Variants in BRINP1 observed in about 807,000 individuals in gnomAD.
BRINP1 encodes the protein BMP/retinoic acid inducible neural specific 1.
A neutral mutation model predicts 72.9 loss-of-function variants in BRINP1; 17 were observed. That is an observed-to-expected ratio of 0.23 (90% CI 0.16 to 0.35). BRINP1 has a LOEUF of 0.35. Ranked by LOEUF, BRINP1 falls within the 10% of genes least tolerant of loss-of-function variation. The pLI is 1.00. For missense variants in BRINP1, 850 were observed against 1,001.6 expected, an observed-to-expected ratio of 0.85 and a Z score of 2.04; for synonymous variants, 418 against 378.5, an observed-to-expected ratio of 1.10 and a Z score of -1.21.
intron 5 of BRINP1, among the ~76,000 whole-genome samples, chr9:119,237,731 G>A (rs1830206557): frequency 6.6e-6 from 1 of 151,922 alleles, no homozygotes; most frequent in Non-Finnish European, 1.5e-5. Context: ...GCGCAATCTC[G>A]GTTCACTGCA....
At chr9:119,194,305 C>G (rs977259107) in intron 7 of BRINP1, among the ~76,000 whole-genome samples, 19 of 152,280 alleles carry the variant, frequency 1.2e-4, no homozygotes, top group African/African-American at 4.6e-4. Context: ...TTATGAGCTC[C>G]AAAGAGAACT....
chr9:119,181,104 CAAGTG>C (rs1157207285), intron 7 of BRINP1, among the ~76,000 whole-genome samples: 21 of 152,124 alleles, frequency 1.4e-4, no homozygotes, highest in Admixed American at 1.3e-3. Context: ...GTGCTGAAGA[CAAGTG>C]AAGGAAGGCG....
chr9:119,235,106 T>G (rs2118903686), intron 5 of BRINP1, among the ~76,000 whole-genome samples: 1 of 152,260 alleles, frequency 6.6e-6, no homozygotes, highest in Middle Eastern at 3.4e-3. Context: ...CCTCTTGAGT[T>G]CTGTAGTAGC....
At chr9:119,336,458 C>T (rs1389542346) in intron 1 of BRINP1, among the ~76,000 whole-genome samples, 1 of 151,958 alleles carries the variant, frequency 6.6e-6, no homozygotes, top group South Asian at 2.1e-4. Flanking sequence ...AGAGCAATCA[C>T]GCTGTAATGT....
chr9:119,224,033 G>T (rs2118888453), intron 5 of BRINP1, among the ~76,000 whole-genome samples: 1 of 152,020 alleles, frequency 6.6e-6, no homozygotes, highest in Non-Finnish European at 1.5e-5. Flanking sequence ...TAGTAGGTAT[G>T]CAAAAATTAA....
At chr9:119,321,775 A>G (rs1483958076) in intron 1 of BRINP1, among the ~76,000 whole-genome samples, 2 of 152,244 alleles carry the variant, frequency 1.3e-5, no homozygotes, top group African/African-American at 2.4e-5. Context: ...TAAATAGCTT[A>G]CTAATGTTTT....
At chr9:119,196,506 AATG>A (rs1173845964) in intron 7 of BRINP1, among the ~76,000 whole-genome samples, 4 of 152,202 alleles carry the variant, frequency 2.6e-5, no homozygotes, top group Non-Finnish European at 5.9e-5. Flanking sequence ...ATATCACCTT[AATG>A]ATAAGATGCA....
chr9:119,253,952 C>T (rs181307455), intron 2 of BRINP1, among the ~76,000 whole-genome samples: 72 of 152,262 alleles, frequency 4.7e-4, no homozygotes, highest in African/African-American at 1.6e-3. Flanking sequence ...GCTCTGCAAC[C>T]ATTACAGGGA....
At chr9:119,290,639 G>A (rs1350433529) in intron 2 of BRINP1, among the ~76,000 whole-genome samples, 1 of 152,162 alleles carries the variant, frequency 6.6e-6, no homozygotes, top group Non-Finnish European at 1.5e-5. Flanking sequence ...TTGTTGGAAT[G>A]TAGGTGATAA....
intron 7 of BRINP1, among the ~76,000 whole-genome samples, chr9:119,182,336 CAG>C (rs1019268602): frequency 4.6e-5 from 7 of 152,102 alleles, no homozygotes; most frequent in African/African-American, 1.7e-4. Flanking sequence ...AAAATTAAAA[CAG>C]ATTCATCAAA....
chr9:119,353,013 AG>A, intron 1 of BRINP1, among the ~76,000 whole-genome samples: 1 of 152,342 alleles, frequency 6.6e-6, no homozygotes. Context: ...GCCACTAAAA[AG>A]AAGAGCTCTT....
rs1460362246 is a variant in BRINP1 at position 119,285,884 on chromosome 9, T to C, written c.218+27254A>G. ...ATATCCTACTAACTCATTCTTTTCT[T>C]AGGAAACTGAGATCCAACTTATACC... On this transcript the variant is annotated intron_variant, in intron 2 of 7. Transcript: ENST00000265922. Among the ~76,000 whole-genome samples the C allele has an allele frequency of 2.0e-5, 3 of 152,096 alleles. No individual in the cohort carries two copies. The East Asian group carries it at 5.8e-4, about 29-fold the overall frequency.
At chr9:119,279,115 G>A (rs1830684375) in intron 2 of BRINP1, among the ~76,000 whole-genome samples, 1 of 152,168 alleles carries the variant, frequency 6.6e-6, no homozygotes, top group Non-Finnish European at 1.5e-5. Flanking sequence ...ATCTCCTCAG[G>A]TACTTCCCAA....
At chr9:119,344,088 CAGA>C (rs766757630) in intron 1 of BRINP1, among the ~76,000 whole-genome samples, 11 of 152,126 alleles carry the variant, frequency 7.2e-5, no homozygotes, top group Non-Finnish European at 1.3e-4. Context: ...AAGCGGGAGT[CAGA>C]GGAGCTCAGT....
At chr9:119,325,775 A>G (rs920811110) in intron 1 of BRINP1, among the ~76,000 whole-genome samples, 1 of 152,110 alleles carries the variant, frequency 6.6e-6, no homozygotes, top group African/African-American at 2.4e-5. Flanking sequence ...TTCCCTATTG[A>G]TTGTTTTACC....
intron 1 of BRINP1, among the ~76,000 whole-genome samples, chr9:119,362,001 C>T (rs982215993): frequency 6.6e-6 from 1 of 151,812 alleles, no homozygotes; most frequent in Non-Finnish European, 1.5e-5. Flanking sequence ...CACGGATTCA[C>T]CATGTTGGTC....
At chr9:119,288,106 G>A (rs949643279) in intron 2 of BRINP1, among the ~76,000 whole-genome samples, 1 of 152,166 alleles carries the variant, frequency 6.6e-6, no homozygotes, top group African/African-American at 2.4e-5. Flanking sequence ...TTACAGGATG[G>A]GAACAGATGG....
chr9:119,237,715 G>A (rs2118907119), intron 5 of BRINP1, among the ~76,000 whole-genome samples: 1 of 152,008 alleles, frequency 6.6e-6, no homozygotes, highest in South Asian at 2.1e-4. Flanking sequence ...AGGCTGGAGT[G>A]CAGTGGCGCA....
chr9:119,229,518 G>T (rs1230295417), intron 5 of BRINP1, among the ~76,000 whole-genome samples: 1 of 152,010 alleles, frequency 6.6e-6, no homozygotes, highest in Non-Finnish European at 1.5e-5. Flanking sequence ...ATTCTACATT[G>T]TATCTCCTTA....
Sources: allele counts gnomAD v4.1 joint callset (sites outside exome capture counted in the v4.1 genomes callset), GRCh38; gene constraint gnomAD v4.1.1; transcripts MANE v1.5; gene names NCBI Gene and HGNC (gene_info 2026-07-23, HGNC 2026-07-21).